Variants in FHOD3 observed in about 807,000 individuals in gnomAD.
FHOD3 encodes FH1/FH2 domain-containing protein 3.
A neutral mutation model predicts 173.0 loss-of-function variants in FHOD3; 90 were observed. The observed-to-expected ratio is 0.52, with a 90% CI of 0.44 to 0.62. The LOEUF (loss-of-function observed/expected upper bound fraction) is 0.62, where lower values mean the gene tolerates loss of function less well. Among genes scored for constraint, FHOD3 ranks in the 20% least tolerant of loss-of-function variants. The pLI is 0.00. For missense variants in FHOD3, 1,945 were observed against 2,034.7 expected (o/e 0.96, Z 0.85); for synonymous variants, 828 against 823.0 (o/e 1.01, Z -0.10).
chr18:36,610,114 G>A (rs1294793947), intron 8 of FHOD3, among the ~76,000 whole-genome samples: 2 of 152,162 alleles, frequency 1.3e-5, no homozygotes, highest in Non-Finnish European at 2.9e-5. Context: ...GACTACCAGC[G>A]GCCTCTCTCT....
intron 4 of FHOD3, 60 bp downstream of exon 4, chr18:36,502,059 G>T: frequency 8.8e-7 from 1 of 1,139,308 alleles, no homozygotes; most frequent in Non-Finnish European, 1.3e-6. Flanking sequence ...TTAGATACAG[G>T]CAAGCTTCTA....
At chr18:36,491,112 G>C (rs1320142945) in intron 3 of FHOD3, among the ~76,000 whole-genome samples, 2 of 152,186 alleles carry the variant, frequency 1.3e-5, no homozygotes, top group African/African-American at 4.8e-5. Flanking sequence ...GATAAGCGAT[G>C]ATTCATGGCA....
chr18:36,721,090 A>G (rs987787607), intron 19 of FHOD3, among the ~76,000 whole-genome samples: 1 of 152,296 alleles, frequency 6.6e-6, no homozygotes, highest in South Asian at 2.1e-4. Context: ...CCAAAGTTCC[A>G]TGATTGCCTG....
intron 27 of FHOD3, among the ~76,000 whole-genome samples, chr18:36,766,207 G>C (rs2043132793): frequency 6.6e-6 from 1 of 152,126 alleles, no homozygotes; most frequent in African/African-American, 2.4e-5. Flanking sequence ...TTCAACCACA[G>C]AAGTCTATCT....
intron 5 of FHOD3, among the ~76,000 whole-genome samples, chr18:36,571,684 C>T (rs1415719733): frequency 6.6e-6 from 1 of 152,132 alleles, no homozygotes; most frequent in African/African-American, 2.4e-5. Flanking sequence ...ACCAATGGGA[C>T]AGAAACAGAC....
rs80255337 is a variant in FHOD3, at chr18:36,769,465, A to G, written c.4786+39A>G. 2,108 of 1,599,888 alleles carry G rather than the reference A, an allele frequency of 1.3e-3. 24 individuals are homozygous for G. The African/African-American group carries it at 0.025, about 19-fold the overall frequency. On this transcript the variant is annotated intron_variant, in intron 28 of 28. Transcript: ENST00000590592. ...AGGAGGGGCGAGCCTTCACCCCTACAGGGATCTGCCCTCCCATTCTACGTG... is the reference window on the plus strand; with the variant it reads ...AGGAGGGGCGAGCCTTCACCCCTACGGGGATCTGCCCTCCCATTCTACGTG...
In FHOD3 at chr18:36,709,380, A is replaced by G; in HGVS notation, c.2522A>G (p.Asp841Gly). The G allele has an allele frequency of 6.2e-7, 1 of 1,612,710 alleles. No individual in the cohort carries two copies. Among genetic ancestry groups the G allele is most frequent in the Non-Finnish European group, 8.5e-7 (1 of 1,179,082 alleles). Residue 841 changes from aspartate to glycine, a missense_variant, in exon 18 of 29, where the codon GAC (aspartate) becomes GGC (glycine). Transcript: ENST00000590592. ...REEKEDKLSRDRTTGLWPAGV... is the reference protein window; with the variant it reads ...REEKEDKLSRGRTTGLWPAGV... ...GAGAAGGAGGACAAGCTCTCCAGGGACAGGACAACTGGTAAATGAAGCCCC... is the reference window on the plus strand; with the variant it reads ...GAGAAGGAGGACAAGCTCTCCAGGGGCAGGACAACTGGTAAATGAAGCCCC...
At chr18:36,688,104 TG>T (rs2038745004) in intron 16 of FHOD3, among the ~76,000 whole-genome samples, 1 of 152,222 alleles carries the variant, frequency 6.6e-6, no homozygotes, top group Non-Finnish European at 1.5e-5. Context: ...GATACAAAGA[TG>T]TTCAGTGTCT....
chr18:36,341,258 AT>A (rs1247717200), intron 1 of FHOD3, among the ~76,000 whole-genome samples: 1 of 152,222 alleles, frequency 6.6e-6, no homozygotes, highest in Non-Finnish European at 1.5e-5. Context: ...ATTTTTAGCT[AT>A]TAAAAGTTAG....
intron 1 of FHOD3, among the ~76,000 whole-genome samples, chr18:36,335,343 A>G (rs932092016): frequency 1.3e-5 from 2 of 151,758 alleles, no homozygotes; most frequent in Admixed American, 1.3e-4. Context: ...AAAATACAAA[A>G]AATTAGCCGG....
intron 6 of FHOD3, among the ~76,000 whole-genome samples, chr18:36,592,198 A>G (rs1001812357): frequency 1.8e-4 from 27 of 152,316 alleles, no homozygotes; most frequent in African/African-American, 6.5e-4. Context: ...CAGCCTGGGC[A>G]ACAGAACAAG....
At chr18:36,629,100 G>T (rs2034320115) in intron 10 of FHOD3, among the ~76,000 whole-genome samples, 1 of 152,238 alleles carries the variant, frequency 6.6e-6, no homozygotes, top group Non-Finnish European at 1.5e-5. Context: ...TGACCTGGCA[G>T]ATAGTGGATG....
intron 1 of FHOD3, among the ~76,000 whole-genome samples, chr18:36,351,672 G>A (rs1174807548): frequency 1.3e-5 from 2 of 152,184 alleles, no homozygotes; most frequent in Non-Finnish European, 2.9e-5. Flanking sequence ...AAGGTTTGGG[G>A]ATTCTGCTGT....
At chr18:36,693,531 A>C in intron 17 of FHOD3, 108 bp downstream of exon 17, 2 of 1,003,154 alleles carry the variant, frequency 2.0e-6, no homozygotes, top group Non-Finnish European at 3.0e-6. Flanking sequence ...GACAGCAACT[A>C]TGGGTACACT....
intron 2 of FHOD3, 36 bp downstream of exon 2, chr18:36,355,681 A>C (rs1568164054): frequency 6.4e-7 from 1 of 1,564,816 alleles, no homozygotes; most frequent in East Asian, 2.2e-5. Context: ...ACTGGTCCCC[A>C]CCTACCAGGA....
intron 13 of FHOD3, among the ~76,000 whole-genome samples, chr18:36,653,767 A>G (rs1212250966): frequency 1.3e-5 from 2 of 152,216 alleles, no homozygotes; most frequent in Non-Finnish European, 1.5e-5. Context: ...CCAAAAATCA[A>G]TAGTTGATCA....
intron 2 of FHOD3, among the ~76,000 whole-genome samples, chr18:36,362,700 G>T (rs2046692324): frequency 6.6e-6 from 1 of 152,194 alleles, no homozygotes; most frequent in Admixed American, 6.5e-5. Flanking sequence ...CACCCAGGTG[G>T]CAGCACCCAG....
chr18:36,303,867 G>C (rs2092019996), intron 1 of FHOD3, among the ~76,000 whole-genome samples: 1 of 152,136 alleles, frequency 6.6e-6, no homozygotes, highest in Admixed American at 6.5e-5. Context: ...GAAGATTTTT[G>C]GGGGTGAAGG....
intron 28 of FHOD3, among the ~76,000 whole-genome samples, chr18:36,771,290 A>C (rs760692792): frequency 6.6e-6 from 1 of 152,190 alleles, no homozygotes; most frequent in Non-Finnish European, 1.5e-5. Flanking sequence ...CCAGGAGTGG[A>C]AACTCTTCTC....
Sources: gnomAD v4.1 joint callset for allele counts (sites outside exome capture counted in the v4.1 genomes callset) on GRCh38, gnomAD v4.1.1 for gene constraint, MANE v1.5 for transcripts, NCBI Gene and HGNC (gene_info 2026-07-23, HGNC 2026-07-21) for gene names.